The following SLC44A5 variants were observed in gnomAD, a reference collection of about 807,000 sequenced individuals.
SLC44A5 encodes solute carrier family 44 member 5.
SLC44A5 carries 57 observed loss-of-function variants against 101.8 expected under a neutral mutation model. That is an observed-to-expected ratio of 0.56 (90% CI 0.45 to 0.70). The LOEUF (loss-of-function observed/expected upper bound fraction) is 0.70. SLC44A5 is among the 30% of genes least tolerant of loss of function. The pLI is 0.00. For synonymous variants in SLC44A5, 281 were observed against 290.9 expected (o/e 0.97, Z 0.35); for missense variants, 737 against 853.1 (o/e 0.86, Z 1.70).
rs574415708 is a variant in SLC44A5, at chr1:75,203,683, G to A, written c.*44C>T. On this transcript the variant is annotated 3_prime_UTR_variant, in exon 24 of 24. Transcript: ENST00000370859. The stretch of plus-strand genomic sequence containing the variant: ...CAAATGTTGCACAGACACAGCAGAT[G>A]GAGAAAAGGTAACACACAGCTGTAG... 2 of 1,521,248 alleles carry A rather than the reference G, an allele frequency of 1.3e-6. No individual in the cohort carries two copies. Among genetic ancestry groups the A allele is most frequent in the African/African-American group, 1.4e-5 (1 of 71,848 alleles). 94.2% of individuals were successfully genotyped at this position (1,521,248 alleles called of 1,614,324 possible). A position where few individuals can be genotyped will look rare whatever the true frequency, so the allele number is the denominator to read the frequency against.
At chr1:75,214,499 T>G (rs1433602677) in intron 20 of SLC44A5, 106 bp downstream of exon 20, 3 of 756,270 alleles carry the variant, frequency 4.0e-6, no homozygotes. Flanking sequence ...AAAGATAATA[T>G]TCATATCCAA....
chr1:75,485,922 T>C (rs961311330), intron 2 of SLC44A5, among the ~76,000 whole-genome samples: 1 of 152,026 alleles, frequency 6.6e-6, no homozygotes, highest in Non-Finnish European at 1.5e-5. Flanking sequence ...AGAACTCACT[T>C]ACTATCGTAA....
chr1:75,214,547 A>C (rs569661687), intron 20 of SLC44A5, 58 bp downstream of exon 20: 2 of 1,338,110 alleles, frequency 1.5e-6, no homozygotes, highest in African/African-American at 1.4e-5. Context: ...CATGTAAAGG[A>C]TGTAATGCTC....
chr1:75,717,879 G>A, the SLC44A5 span, among the ~76,000 whole-genome samples: 1 of 152,182 alleles, frequency 6.6e-6, no homozygotes, highest in Non-Finnish European at 1.5e-5. Flanking sequence ...TGGAGAAATC[G>A]TAAAAGAGAA....
At chr1:75,437,130 A>C (rs992259870) in intron 2 of SLC44A5, among the ~76,000 whole-genome samples, 4 of 152,210 alleles carry the variant, frequency 2.6e-5, no homozygotes, top group African/African-American at 7.2e-5. Context: ...ACTCTAAAAT[A>C]ATAATGAAAA....
At chr1:75,328,501 G>A (rs1216312991) in intron 4 of SLC44A5, among the ~76,000 whole-genome samples, 2 of 152,096 alleles carry the variant, frequency 1.3e-5, no homozygotes, top group Non-Finnish European at 2.9e-5. Context: ...ATAGGAGATA[G>A]AAAAAGAAAC....
At chr1:75,503,378 G>C (rs1014214914) in intron 2 of SLC44A5, among the ~76,000 whole-genome samples, 4 of 151,888 alleles carry the variant, frequency 2.6e-5, no homozygotes, top group African/African-American at 9.7e-5. Flanking sequence ...TTTTGTGATA[G>C]CCAGTGAGTT....
intron 5 of SLC44A5, among the ~76,000 whole-genome samples, chr1:75,282,494 A>G (rs1050751258): frequency 1.3e-5 from 2 of 152,154 alleles, no homozygotes; most frequent in East Asian, 3.9e-4. Context: ...TGTGTATTGA[A>G]ATATGAGAAG....
chr1:75,248,491 G>C (rs1649305502), intron 7 of SLC44A5, among the ~76,000 whole-genome samples: 1 of 152,098 alleles, frequency 6.6e-6, no homozygotes, highest in Admixed American at 6.6e-5. Flanking sequence ...GACGAAGATA[G>C]GCAGGCAAAC....
the SLC44A5 span, among the ~76,000 whole-genome samples, chr1:75,670,904 G>A: frequency 2.0e-5 from 3 of 152,076 alleles, no homozygotes; most frequent in African/African-American, 7.2e-5. Context: ...GTTTTAATTG[G>A]GTATGATAAG....
At chr1:75,537,034 A>AAAAAAAAAAAAAAAAAAAAAAAAAAG (rs1553199990) in intron 2 of SLC44A5, among the ~76,000 whole-genome samples, 2 of 18,648 alleles carry the variant, frequency 1.1e-4, no homozygotes, top group Non-Finnish European at 1.6e-4. Context: ...AAAAAAAAAA[A>AAAAAAAAAAAAAAAAAAAAAAAAAAG]TATATATCTA....
At chr1:75,351,133 A>G (rs1658622282) in intron 3 of SLC44A5, among the ~76,000 whole-genome samples, 1 of 151,762 alleles carries the variant, frequency 6.6e-6, no homozygotes, top group Admixed American at 6.6e-5. Context: ...GTCATTTCAT[A>G]ATAATAAAGG....
At chr1:75,631,519 T>G in the SLC44A5 span, among the ~76,000 whole-genome samples, 53,574 of 147,874 alleles carry the variant, frequency 0.36, 11,189 homozygotes, top group East Asian at 0.94. Flanking sequence ...ACTATAGGCA[T>G]GCACAACCAC....
At chr1:75,280,765 T>C (rs1329176654) in intron 5 of SLC44A5, among the ~76,000 whole-genome samples, 1 of 151,814 alleles carries the variant, frequency 6.6e-6, no homozygotes, top group Non-Finnish European at 1.5e-5. Flanking sequence ...CCCTTCACCA[T>C]GCATTTCTCC....
chr1:75,569,255 T>TG (rs1672944737), intron 1 of SLC44A5, among the ~76,000 whole-genome samples: 1 of 151,190 alleles, frequency 6.6e-6, no homozygotes, highest in South Asian at 2.1e-4. Flanking sequence ...TTTTTTTTTT[T>TG]TTTGAGACAG....
the SLC44A5 span, among the ~76,000 whole-genome samples, chr1:75,722,455 C>A: frequency 4.6e-5 from 7 of 152,262 alleles, no homozygotes; most frequent in Non-Finnish European, 8.8e-5. Context: ...AAATGCAGAA[C>A]GTTGGCGAAC....
the SLC44A5 span, among the ~76,000 whole-genome samples, chr1:75,705,649 T>C: frequency 6.6e-6 from 1 of 152,280 alleles, no homozygotes; most frequent in South Asian, 2.1e-4. Context: ...TAGAGGTATA[T>C]CTATTTTATT....
chr1:75,460,342 C>T (rs1324549661), intron 2 of SLC44A5, among the ~76,000 whole-genome samples: 1 of 152,226 alleles, frequency 6.6e-6, no homozygotes, highest in South Asian at 2.1e-4. Flanking sequence ...ACTACCAGTA[C>T]AGAAACTATG....
At chr1:75,399,266 G>C (rs910027235) in intron 2 of SLC44A5, among the ~76,000 whole-genome samples, 1 of 152,068 alleles carries the variant, frequency 6.6e-6, no homozygotes, top group African/African-American at 2.4e-5. Flanking sequence ...TAAGGCAATA[G>C]AGTTTATACG....
Sources: allele counts gnomAD v4.1 joint callset (sites outside exome capture counted in the v4.1 genomes callset), GRCh38; gene constraint gnomAD v4.1.1; transcripts MANE v1.5; gene names NCBI Gene and HGNC (gene_info 2026-07-23, HGNC 2026-07-21).